Variants in KCND2 observed in about 807,000 individuals in gnomAD.
KCND2 encodes potassium voltage-gated channel subfamily D member 2.
KCND2 carries 16 observed loss-of-function variants against 54.4 expected under a neutral mutation model. That is an observed-to-expected ratio of 0.29 (90% CI 0.20 to 0.45). The LOEUF (loss-of-function observed/expected upper bound fraction) is 0.45. Ranked by LOEUF, KCND2 falls within the 20% of genes least tolerant of loss-of-function variation. KCND2 has a pLI of 1.00. For missense variants in KCND2, 486 were observed against 824.2 expected (o/e 0.59, Z 5.02); for synonymous variants, 317 against 310.7 (o/e 1.02, Z -0.21).
At chr7:120,567,254 A>G (rs529727215) in intron 1 of KCND2, among the ~76,000 whole-genome samples, 1 of 152,304 alleles carries the variant, frequency 6.6e-6, no homozygotes, top group East Asian at 1.9e-4. Flanking sequence ...ATATTACCAT[A>G]CTTCCAGTCT....
chr7:120,596,688 A>G (rs545157360), intron 1 of KCND2, among the ~76,000 whole-genome samples: 2 of 152,360 alleles, frequency 1.3e-5, no homozygotes, highest in African/African-American at 4.8e-5. Context: ...TCTATCTAAT[A>G]GTACCTGATA....
chr7:120,585,313 G>A (rs988008326), intron 1 of KCND2, among the ~76,000 whole-genome samples: 1 of 152,080 alleles, frequency 6.6e-6, no homozygotes, highest in East Asian at 1.9e-4. Context: ...AGAAGGGGAT[G>A]GGGGGTGGAG....
rs1380509874 is a variant in KCND2 at position 120,591,192 on chromosome 7, G to GTTTTT, written c.1116-141711_1116-141710insTTTTT. The stretch of plus-strand genomic sequence containing the variant: ...AACCTACATAATTTGAATTAGAAAT[G>GTTTTT]AAACAAGTTTTTACAAATTTGGTGA... On this transcript the variant is annotated intron_variant, in intron 1 of 5. Coordinates refer to ENST00000331113, the MANE Select transcript of KCND2 (RefSeq NM_012281.3). Among the ~76,000 whole-genome samples, 11 of 152,224 alleles carry GTTTTT rather than the reference G, an allele frequency of 7.2e-5. No individual in the cohort carries two copies. In the East Asian group the frequency reaches 2.1e-3, roughly 29 times the overall value.
intron 1 of KCND2, among the ~76,000 whole-genome samples, chr7:120,497,395 G>T (rs1210280088): frequency 6.6e-6 from 1 of 152,210 alleles, no homozygotes; most frequent in Admixed American, 6.5e-5. Flanking sequence ...AGTCTTGGAA[G>T]ATTTTCTGGA....
At chr7:120,654,072 A>G (rs1249107048) in intron 1 of KCND2, among the ~76,000 whole-genome samples, 1 of 152,104 alleles carries the variant, frequency 6.6e-6, no homozygotes, top group Non-Finnish European at 1.5e-5. Context: ...AATGTTTATT[A>G]TTTGCAATGA....
chr7:120,735,220 G>C (rs190846224), intron 2 of KCND2, among the ~76,000 whole-genome samples: 6 of 152,076 alleles, frequency 3.9e-5, no homozygotes, highest in Admixed American at 3.9e-4. Context: ...CTGGACAGTT[G>C]TAGTCTTATG....
chr7:120,706,644 G>T (rs1187508782), intron 1 of KCND2, among the ~76,000 whole-genome samples: 1 of 152,130 alleles, frequency 6.6e-6, no homozygotes, highest in Non-Finnish European at 1.5e-5. Context: ...AAGATAGCAG[G>T]TATGAATACA....
intron 1 of KCND2, among the ~76,000 whole-genome samples, chr7:120,720,971 G>A (rs1255159889): frequency 6.6e-6 from 1 of 152,120 alleles, no homozygotes; most frequent in Admixed American, 6.6e-5. Context: ...AAGTAAGAAA[G>A]TATGCATTTA....
In KCND2 at chr7:120,274,432, C is replaced by T; in HGVS notation, c.-201C>T. The T allele has an allele frequency of 1.5e-6, 1 of 666,088 alleles. No homozygotes were observed. Among genetic ancestry groups the T allele is most frequent in the Non-Finnish European group, 2.7e-6 (1 of 370,496 alleles). The allele number at this position is 666,088 out of a possible 1,614,324, so 41.3% of individuals were successfully genotyped here. Reference sequence around the variant, plus strand: ...ACGTTGTATTTTGTTGCCATTATTCCAAATACCTGTCTTGGAGGGAAAGTT... The same window carrying T: ...ACGTTGTATTTTGTTGCCATTATTCTAAATACCTGTCTTGGAGGGAAAGTT... On this transcript the variant is annotated 5_prime_UTR_variant, in exon 1 of 6. Transcript: ENST00000331113.
intron 1 of KCND2, among the ~76,000 whole-genome samples, chr7:120,414,290 C>A (rs1034780220): frequency 3.3e-5 from 5 of 152,092 alleles, no homozygotes; most frequent in Non-Finnish European, 5.9e-5. Context: ...GATTATCCTA[C>A]TTTTCACCTG....
At chr7:120,520,824 C>T (rs939129537) in intron 1 of KCND2, among the ~76,000 whole-genome samples, 1 of 152,026 alleles carries the variant, frequency 6.6e-6, no homozygotes, top group Admixed American at 6.6e-5. Context: ...ATGGATGAAC[C>T]CATTAGTTTC....
chr7:120,580,900 G>C (rs1481758317), intron 1 of KCND2, among the ~76,000 whole-genome samples: 1 of 152,168 alleles, frequency 6.6e-6, no homozygotes, highest in Admixed American at 6.5e-5. Flanking sequence ...AATTACCTTA[G>C]TGTAAGGATA....
At chr7:120,418,187 T>C (rs745631609) in intron 1 of KCND2, among the ~76,000 whole-genome samples, 5 of 152,170 alleles carry the variant, frequency 3.3e-5, no homozygotes, top group Non-Finnish European at 5.9e-5. Flanking sequence ...AACTTTATCA[T>C]ATTAATGCCA....
intron 1 of KCND2, among the ~76,000 whole-genome samples, chr7:120,617,545 T>C (rs974554486): frequency 6.6e-6 from 1 of 152,192 alleles, no homozygotes; most frequent in African/African-American, 2.4e-5. Context: ...CTGGTGGGAA[T>C]GTAAATTAGT....
At chr7:120,589,194 T>A (rs909569187) in intron 1 of KCND2, among the ~76,000 whole-genome samples, 1 of 152,146 alleles carries the variant, frequency 6.6e-6, no homozygotes, top group Admixed American at 6.5e-5. Flanking sequence ...ATAGGAATAA[T>A]AGAATTATAA....
intron 1 of KCND2, among the ~76,000 whole-genome samples, chr7:120,330,656 A>G (rs1202790583): frequency 2.6e-5 from 4 of 151,778 alleles, no homozygotes; most frequent in Non-Finnish European, 5.9e-5. Flanking sequence ...TCAAACTCAA[A>G]CAAAAGCTTC....
At chr7:120,286,399 T>A (rs781737623) in intron 1 of KCND2, among the ~76,000 whole-genome samples, 1 of 152,056 alleles carries the variant, frequency 6.6e-6, no homozygotes, top group Non-Finnish European at 1.5e-5. Context: ...AACCTATTGA[T>A]AATATTTTTA....
chr7:120,307,726 G>A lies in KCND2; in HGVS notation c.1115+31979G>A, dbSNP rs146049634. ...AGCCATCTGAGTGGAACATATCAAC[G>A]TGTAAAATTGGAATTACTCTTTAGA... On this transcript the variant is annotated intron_variant, in intron 1 of 5. Transcript: ENST00000331113. Among the ~76,000 whole-genome samples the A allele has an allele frequency of 9.2e-3, 1,403 of 152,160 alleles. 19 individuals carry two copies. The highest frequency in any genetic ancestry group is 0.032 in the African/African-American group (1,310 of 41,528).
At position 120,274,303 on chromosome 7, in the gene KCND2, G is replaced by T; in HGVS notation, c.-330G>T. On this transcript the variant is annotated 5_prime_UTR_variant, in exon 1 of 6. Coordinates refer to ENST00000331113, the MANE Select transcript of KCND2 (RefSeq NM_012281.3). ...TGCCGGGGAGAAATCAAAAACACCTGTTTGAAGAAACGGCTGCACCTGTGT... is the reference window on the plus strand; with the variant it reads ...TGCCGGGGAGAAATCAAAAACACCTTTTTGAAGAAACGGCTGCACCTGTGT... 2.2e-6 allele frequency: 1 copy of T among 464,300 alleles called. No individual in the cohort carries two copies. The highest frequency in any genetic ancestry group is 3.9e-6 in the Non-Finnish European group (1 of 255,968). The allele number at this position is 464,300 out of a possible 1,614,324, so 28.8% of individuals were successfully genotyped here. A position where few individuals can be genotyped will look rare whatever the true frequency, so the allele number is the denominator to read the frequency against.
Sources: allele counts gnomAD v4.1 joint callset (sites outside exome capture counted in the v4.1 genomes callset), GRCh38; gene constraint gnomAD v4.1.1; transcripts MANE v1.5; gene names NCBI Gene and HGNC (gene_info 2026-07-23, HGNC 2026-07-21).